The following MDGA2 variants were observed in gnomAD, a reference collection of about 807,000 sequenced individuals.
The protein encoded by MDGA2 is MAM domain-containing glycosylphosphatidylinositol anchor protein 2.
In MDGA2, 40 loss-of-function variants were observed where a neutral mutation model predicts 117.8. The observed-to-expected ratio is 0.34, with a 90% CI of 0.26 to 0.44. MDGA2 has a LOEUF of 0.44. Among genes scored for constraint, MDGA2 ranks in the 20% least tolerant of loss-of-function variants. MDGA2 has a pLI of 1.00. For synonymous variants in MDGA2, 452 were observed against 439.0 expected (o/e 1.03, Z -0.37); for missense variants, 1,123 against 1,250.6 (o/e 0.90, Z 1.54).
chr14:47,449,052 C>A (rs1241012310), intron 1 of MDGA2, among the ~76,000 whole-genome samples: 1 of 152,086 alleles, frequency 6.6e-6, no homozygotes, highest in African/African-American at 2.4e-5. Flanking sequence ...TCTTTCCAGA[C>A]GAATCTTAAC....
At chr14:47,553,054 TCTAACCTGAGGCGGCC>T (rs201074458) in intron 1 of MDGA2, among the ~76,000 whole-genome samples, 1,602 of 152,162 alleles carry the variant, frequency 0.011, 14 homozygotes, top group African/African-American at 0.031. Flanking sequence ...CTGAGGCAGG[TCTAACCTGAGGCGGCC>T]CTAACCTGAG....
At chr14:47,029,434 T>C (rs1001965541) in intron 8 of MDGA2, among the ~76,000 whole-genome samples, 31 of 152,292 alleles carry the variant, frequency 2.0e-4, no homozygotes, top group African/African-American at 7.2e-4. Context: ...TAAAAGGCAG[T>C]TACTTAACAC....
At chr14:47,261,881 T>A (rs1887808263) in intron 2 of MDGA2, among the ~76,000 whole-genome samples, 1 of 151,994 alleles carries the variant, frequency 6.6e-6, no homozygotes, top group Non-Finnish European at 1.5e-5. Context: ...GCAGATAATT[T>A]TTTGCACAGT....
intron 3 of MDGA2, among the ~76,000 whole-genome samples, chr14:47,212,839 T>C (rs538966892): frequency 3.3e-5 from 5 of 152,302 alleles, no homozygotes; most frequent in East Asian, 1.9e-4. Flanking sequence ...TACTCAATTT[T>C]GTATCCACCT....
chr14:47,535,083 A>G (rs2138741052), intron 1 of MDGA2, among the ~76,000 whole-genome samples: 1 of 152,118 alleles, frequency 6.6e-6, no homozygotes, highest in Non-Finnish European at 1.5e-5. Flanking sequence ...TTCAGAACCT[A>G]TTTGTCAACG....
intron 1 of MDGA2, among the ~76,000 whole-genome samples, chr14:47,608,904 C>G (rs4898575): frequency 0.16 from 24,737 of 151,682 alleles, 2,096 homozygotes; most frequent in East Asian, 0.25. Flanking sequence ...ACTATGCTGA[C>G]AGGTTGGAAT....
intron 1 of MDGA2, among the ~76,000 whole-genome samples, chr14:47,470,875 A>C (rs1893710902): frequency 6.6e-6 from 1 of 152,190 alleles, no homozygotes; most frequent in African/African-American, 2.4e-5. Context: ...CTGATTTTAT[A>C]CTTAGTAATG....
intron 1 of MDGA2, among the ~76,000 whole-genome samples, chr14:47,337,998 T>C (rs1185076974): frequency 1.3e-5 from 2 of 152,036 alleles, no homozygotes; most frequent in Non-Finnish European, 2.9e-5. Flanking sequence ...TGCTACTACA[T>C]AGTCTGATTT....
chr14:47,005,999 G>A (rs1954253), intron 8 of MDGA2, among the ~76,000 whole-genome samples: 136,890 of 151,478 alleles, frequency 0.9, 62,182 homozygotes, highest in East Asian at 0.97. Flanking sequence ...ACACTTTTCA[G>A]AATGTTTTCT....
intron 1 of MDGA2, among the ~76,000 whole-genome samples, chr14:47,332,297 C>G (rs1244902491): frequency 6.6e-6 from 1 of 151,936 alleles, no homozygotes; most frequent in African/African-American, 2.4e-5. Context: ...AGAAACTGGC[C>G]AAGTGACCAC....
At chr14:47,098,030 T>C (rs924582962) in intron 5 of MDGA2, among the ~76,000 whole-genome samples, 30 of 151,874 alleles carry the variant, frequency 2.0e-4, no homozygotes, top group African/African-American at 7.0e-4. Flanking sequence ...AATGCATCCC[T>C]AAATAAAAAC....
rs894331583 is a variant in MDGA2, at chr14:47,207,539, G to A, written c.595+10482C>T. Among the ~76,000 whole-genome samples the A allele has an allele frequency of 4.0e-5, 6 of 151,898 alleles. 1 individual carries two copies. Among genetic ancestry groups the A allele is most frequent in the African/African-American group, 1.2e-4 (5 of 41,406 alleles). On this transcript the variant is annotated intron_variant, in intron 3 of 16. Coordinates refer to ENST00000399232, the MANE Select transcript of MDGA2 (RefSeq NM_001113498.3). Reference sequence around the variant, plus strand: ...ATAGTGGAAGTGGGATTAAAAAATGGAATTTGTTCCCCTTTCTCTATTTTA... The same window carrying A: ...ATAGTGGAAGTGGGATTAAAAAATGAAATTTGTTCCCCTTTCTCTATTTTA...
At chr14:46,977,751 A>C (rs900962305) in intron 8 of MDGA2, among the ~76,000 whole-genome samples, 1 of 151,394 alleles carries the variant, frequency 6.6e-6, no homozygotes, top group Non-Finnish European at 1.5e-5. Flanking sequence ...TAGTAAACTT[A>C]GTAGGTATAA....
intron 8 of MDGA2, among the ~76,000 whole-genome samples, chr14:47,015,814 A>T (rs1888063787): frequency 6.6e-6 from 1 of 152,156 alleles, no homozygotes. Flanking sequence ...TACTGATAAA[A>T]TTAGAGAGGA....
chr14:47,195,756 A>G (rs893168496), intron 3 of MDGA2, among the ~76,000 whole-genome samples: 1 of 152,112 alleles, frequency 6.6e-6, no homozygotes, highest in African/African-American at 2.4e-5. Context: ...TAAATAGATT[A>G]CATATTCCCT....
At chr14:47,044,880 C>T (rs918557409) in intron 7 of MDGA2, among the ~76,000 whole-genome samples, 9 of 152,106 alleles carry the variant, frequency 5.9e-5, no homozygotes, top group African/African-American at 1.9e-4. Context: ...CTTATTAGAA[C>T]GGCATTGTTC....
intron 1 of MDGA2, among the ~76,000 whole-genome samples, chr14:47,612,089 C>T (rs566719609): frequency 5.3e-5 from 8 of 152,262 alleles, no homozygotes; most frequent in South Asian, 2.1e-4. Context: ...GGCAATACTT[C>T]GCAAGTTTCC....
chr14:47,598,548 G>C (rs1032519783), intron 1 of MDGA2, among the ~76,000 whole-genome samples: 2 of 152,114 alleles, frequency 1.3e-5, no homozygotes, highest in Non-Finnish European at 1.5e-5. Context: ...TTGAAAACAT[G>C]TTTAGTGAAT....
intron 3 of MDGA2, among the ~76,000 whole-genome samples, chr14:47,178,948 CTG>C (rs1465642421): frequency 1.3e-5 from 2 of 152,028 alleles, no homozygotes; most frequent in African/African-American, 4.8e-5. Context: ...ATTCAGGAAA[CTG>C]CAAAGAGCTA....
Sources: allele counts gnomAD v4.1 joint callset (sites outside exome capture counted in the v4.1 genomes callset), GRCh38; gene constraint gnomAD v4.1.1; transcripts MANE v1.5; gene names NCBI Gene and HGNC (gene_info 2026-07-23, HGNC 2026-07-21).